RPS6KA2: variants seen among roughly 807,000 people sequenced by gnomAD.
RPS6KA2 encodes ribosomal protein S6 kinase alpha-2.
In RPS6KA2, 42 loss-of-function variants were observed where a neutral mutation model predicts 91.8. That is an observed-to-expected ratio of 0.46 (90% CI 0.36 to 0.59). RPS6KA2 has a LOEUF of 0.59. Ranked by LOEUF, RPS6KA2 falls within the 20% of genes least tolerant of loss-of-function variation. The probability of loss-of-function intolerance (pLI) is 0.00; values close to 1 mark genes in which losing one functional copy is unlikely to be tolerated. For missense variants in RPS6KA2, 798 were observed against 978.5 expected, an observed-to-expected ratio of 0.82 and a Z score of 2.46; for synonymous variants, 414 against 393.6, an observed-to-expected ratio of 1.05 and a Z score of -0.61.
chr6:166,862,035 A>G, intron 1 of RPS6KA2: 1 of 1,593,662 alleles, frequency 6.3e-7, no homozygotes, highest in East Asian at 2.2e-5. Context: ...ATTATAGTAA[A>G]TGAGCAATGC....
intron 2 of RPS6KA2, among the ~76,000 whole-genome samples, chr6:166,771,392 G>A (rs561731664): frequency 1.3e-5 from 2 of 152,106 alleles, no homozygotes; most frequent in South Asian, 2.1e-4. Context: ...AATTCCAATC[G>A]TGCTTGGTCC....
At chr6:166,505,356 G>A (rs915513624) in intron 5 of RPS6KA2, among the ~76,000 whole-genome samples, 13 of 152,112 alleles carry the variant, frequency 8.5e-5, no homozygotes, top group Middle Eastern at 3.2e-3. Context: ...ATGAGGCCTC[G>A]GAGCCCAACA....
intron 2 of RPS6KA2, among the ~76,000 whole-genome samples, chr6:166,850,977 A>G (rs1052082833): frequency 3.9e-5 from 6 of 152,218 alleles, no homozygotes; most frequent in Non-Finnish European, 5.9e-5. Flanking sequence ...TGGGAAATCA[A>G]GGGTTCTAGG....
At chr6:166,674,885 T>C (rs1788574936) in intron 2 of RPS6KA2, among the ~76,000 whole-genome samples, 1 of 152,326 alleles carries the variant, frequency 6.6e-6, no homozygotes, top group African/African-American at 2.4e-5. Flanking sequence ...GCCAGGCTGG[T>C]CTCTAACTCC....
Position 166,563,293 on chromosome 6 carries a change from A to G in RPS6KA2, c.100-24509T>C, listed in dbSNP as rs1411500551. On this transcript the variant is annotated intron_variant, in intron 1 of 20. Transcript: ENST00000265678. This position sits in a 1 kb window ranked among gnomAD's most constrained non-coding sequence, Gnocchi z 4.1. ...TGGAGCTGGGAGAGGCCCCAGCGGG[A>G]AGCACTCGGAGGAGCGGGGGCCAAC... Among the ~76,000 whole-genome samples the G allele has an allele frequency of 1.3e-5, 2 of 152,134 alleles. No individual in the cohort carries two copies. Among genetic ancestry groups the G allele is most frequent in the Non-Finnish European group, 1.5e-5 (1 of 68,018 alleles).
Position 166,412,624 on chromosome 6 carries a change from A to AAACACG in RPS6KA2, c.*132_*137dup. 1.1e-6 allele frequency: 1 copy of AAACACG among 873,962 alleles called. No homozygotes were observed. The highest frequency in any genetic ancestry group is 3.0e-5 in the Admixed American group (1 of 33,078). The allele number at this position is 873,962 out of a possible 1,614,324, so 54.1% of individuals were successfully genotyped here. A position where few individuals can be genotyped will look rare whatever the true frequency, so the allele number is the denominator to read the frequency against. On this transcript the variant is annotated 3_prime_UTR_variant, in exon 21 of 21. Transcript: ENST00000265678. This position sits in a 1 kb window ranked among gnomAD's most constrained non-coding sequence, Gnocchi z 4.3. ...GGACCCTCTCCGGGGCTGAAAAAGA[A>AAACACG]AACACGGACACGGCGAGGGCGGGCG...
At chr6:166,839,066 G>A (rs1280910894) in intron 2 of RPS6KA2, among the ~76,000 whole-genome samples, 1 of 152,140 alleles carries the variant, frequency 6.6e-6, no homozygotes, top group Non-Finnish European at 1.5e-5. Flanking sequence ...CCAACTCCTC[G>A]ATCTTAGGAT....
chr6:166,501,609 G>A (rs949610265), intron 6 of RPS6KA2, among the ~76,000 whole-genome samples: 1 of 152,228 alleles, frequency 6.6e-6, no homozygotes, highest in Non-Finnish European at 1.5e-5. Context: ...CTGCCGTGGG[G>A]TGAACCCTGC....
At chr6:166,586,940 G>A (rs1583303493) in intron 1 of RPS6KA2, among the ~76,000 whole-genome samples, 1 of 152,178 alleles carries the variant, frequency 6.6e-6, no homozygotes, top group South Asian at 2.1e-4. Context: ...AGGCAGGTGT[G>A]GTCATGTGAC....
chr6:166,677,563 T>C (rs568877344), intron 2 of RPS6KA2, among the ~76,000 whole-genome samples: 1 of 152,204 alleles, frequency 6.6e-6, no homozygotes, highest in East Asian at 1.9e-4. Flanking sequence ...GCCAGGCTGG[T>C]CTCAAATTCC....
At chr6:166,652,261 C>A (rs1304380168) in intron 2 of RPS6KA2, among the ~76,000 whole-genome samples, 1 of 152,250 alleles carries the variant, frequency 6.6e-6, no homozygotes, top group African/African-American at 2.4e-5. Flanking sequence ...GCACTCGCTT[C>A]ACTGTGCATT....
At chr6:166,654,211 GA>G (rs1787942187) in intron 2 of RPS6KA2, among the ~76,000 whole-genome samples, 1 of 152,228 alleles carries the variant, frequency 6.6e-6, no homozygotes, top group Admixed American at 6.5e-5. Flanking sequence ...TAGAATTAAT[GA>G]CAGAGAACAA....
rs1305452790 is a variant in RPS6KA2 at position 166,419,223 on chromosome 6, A to C, written c.1820+659T>G. ...GGTTCTTTTCTTTTTGCCTCCATTC[A>C]AGTATTTAATAAACGTAATAGGAAC... On this transcript the variant is annotated intron_variant, in intron 18 of 20. Transcript: ENST00000265678. This position sits in a 1 kb window ranked among gnomAD's most constrained non-coding sequence, Gnocchi z 5.6. Among the ~76,000 whole-genome samples the C allele has an allele frequency of 6.6e-6, 1 of 152,240 alleles. No homozygotes were observed. Among genetic ancestry groups the C allele is most frequent in the East Asian group, 1.9e-4 (1 of 5,202 alleles).
intron 16 of RPS6KA2, chr6:166,424,022 A>C (rs1778824864): frequency 6.6e-6 from 1 of 152,410 alleles, no homozygotes; most frequent in African/African-American, 2.4e-5. Context: ...GCAGCTATTT[A>C]GGGCACAAAG....
intron 2 of RPS6KA2, among the ~76,000 whole-genome samples, chr6:166,812,473 A>G (rs1305954311): frequency 6.6e-6 from 1 of 152,192 alleles, no homozygotes; most frequent in East Asian, 1.9e-4. Flanking sequence ...TCACCTCCCA[A>G]GAGAGGCCTT....
Position 166,648,219 on chromosome 6 carries a change from C to CAT in RPS6KA2, c.124-109436_124-109435insAT, listed in dbSNP as rs1562363406. Among the ~76,000 whole-genome samples the CAT allele has an allele frequency of 2.0e-5, 3 of 151,242 alleles. No individual in the cohort carries two copies. Among genetic ancestry groups the CAT allele is most frequent in the Non-Finnish European group, 4.4e-5 (3 of 67,844 alleles). ...TCATACACACACTCATGCACACACA[C>CAT]GCACATGCGCACACACACACATTCA... On this transcript the variant is annotated intron_variant, in intron 2 of 21. Transcript: ENST00000503859. The surrounding 1 kb of genome is among the most constrained non-coding windows in gnomAD (Gnocchi z 4.8).
intron 1 of RPS6KA2, among the ~76,000 whole-genome samples, chr6:166,541,847 C>T (rs1259396324): frequency 6.6e-6 from 1 of 152,196 alleles, no homozygotes; most frequent in African/African-American, 2.4e-5. Context: ...CACATAATTT[C>T]ATCTCCTAAA....
At chr6:166,656,527 C>A (rs935863695) in intron 2 of RPS6KA2, among the ~76,000 whole-genome samples, 11 of 152,234 alleles carry the variant, frequency 7.2e-5, no homozygotes, top group African/African-American at 2.7e-4. Flanking sequence ...CCATTCCCCT[C>A]CAGCAGGGCC....
At position 166,412,736 on chromosome 6, in the gene RPS6KA2, G is replaced by T; in HGVS notation, c.*26C>A. ...GTGAGCCCACGAGGATGCTGGCAGG[G>T]GACGCTGGGGCCAGGGTCCCACCCG... On this transcript the variant is annotated 3_prime_UTR_variant, in exon 21 of 21. Transcript: ENST00000265678. The surrounding 1 kb of genome is among the most constrained non-coding windows in gnomAD (Gnocchi z 4.3). 2.6e-6 allele frequency: 4 copies of T among 1,568,342 alleles called. No individual in the cohort carries two copies. Among genetic ancestry groups the T allele is most frequent in the South Asian group, 1.2e-5 (1 of 86,004 alleles).
Sources: allele counts gnomAD v4.1 joint callset (sites outside exome capture counted in the v4.1 genomes callset), GRCh38; gene constraint gnomAD v4.1.1; non-coding constraint Gnocchi (gnomAD v3.1); transcripts MANE v1.5; gene names NCBI Gene and HGNC (gene_info 2026-07-23, HGNC 2026-07-21).